The following RAD23B variants were observed in gnomAD, a reference collection of about 807,000 sequenced individuals.
The protein encoded by RAD23B is RAD23 nucleotide excision repair protein B, also known as lysine-specific demethylase RAD23B.
In RAD23B, 5 loss-of-function variants were observed where a neutral mutation model predicts 49.1. The ratio of observed to expected loss-of-function variants is 0.10; its 90% confidence interval spans 0.05 to 0.21. The LOEUF is 0.21. Among genes scored for constraint, RAD23B ranks in the 10% least tolerant of loss-of-function variants. The pLI is 1.00. For synonymous variants in RAD23B, 184 were observed against 165.4 expected, an observed-to-expected ratio of 1.11 and a Z score of -0.86; for missense variants, 356 against 486.7, an observed-to-expected ratio of 0.73 and a Z score of 2.53.
intron 9 of RAD23B, 67 bp downstream of exon 9, chr9:107,325,071 T>G (rs551038897): frequency 6.8e-7 from 1 of 1,480,290 alleles, no homozygotes; most frequent in South Asian, 1.2e-5. Flanking sequence ...TTCCAGCACT[T>G]TGGGAGGCCA....
intron 9 of RAD23B, among the ~76,000 whole-genome samples, chr9:107,326,376 G>T (rs1827202233): frequency 6.6e-6 from 1 of 151,204 alleles, no homozygotes; most frequent in Admixed American, 6.6e-5. Context: ...AGCTACTCGG[G>T]AGACTGAGGC....
chr9:107,299,719 C>T (rs980427859), intron 1 of RAD23B, among the ~76,000 whole-genome samples: 1 of 152,282 alleles, frequency 6.6e-6, no homozygotes, highest in Admixed American at 6.5e-5. Context: ...AATCATTTGC[C>T]TTTTAACATT....
At chr9:107,298,672 A>G (rs932111124) in intron 1 of RAD23B, among the ~76,000 whole-genome samples, 3 of 134,326 alleles carry the variant, frequency 2.2e-5, no homozygotes, top group Non-Finnish European at 5.3e-5. Flanking sequence ...ATTAGAAATT[A>G]AAACAAACTT....
intron 9 of RAD23B, among the ~76,000 whole-genome samples, chr9:107,326,009 A>G (rs542978464): frequency 1.3e-5 from 2 of 152,168 alleles, no homozygotes; most frequent in South Asian, 2.1e-4. Flanking sequence ...GTCCTTTAGT[A>G]TGCTTTATTA....
chr9:107,309,090 C>G (rs1410484339), intron 4 of RAD23B, among the ~76,000 whole-genome samples: 2 of 152,132 alleles, frequency 1.3e-5, no homozygotes, highest in Admixed American at 6.5e-5. Flanking sequence ...CTAAATTGAC[C>G]TGTGGTTTAT....
chr9:107,315,433 A>G (rs112367309), intron 5 of RAD23B, among the ~76,000 whole-genome samples: 2 of 152,240 alleles, frequency 1.3e-5, no homozygotes, highest in African/African-American at 4.8e-5. Flanking sequence ...TCTGAATGAC[A>G]TATATAAGGT....
At chr9:107,297,416 T>G (rs950957546) in intron 1 of RAD23B, among the ~76,000 whole-genome samples, 1 of 152,092 alleles carries the variant, frequency 6.6e-6, no homozygotes, top group Non-Finnish European at 1.5e-5. Flanking sequence ...CTTGGCTCAC[T>G]GCAACCTCTG....
At chr9:107,297,102 T>C (rs1367808239) in intron 1 of RAD23B, among the ~76,000 whole-genome samples, 6 of 152,134 alleles carry the variant, frequency 3.9e-5, no homozygotes, top group Non-Finnish European at 8.8e-5. Context: ...TCTGCCCGCC[T>C]TGGCCTCCCA....
At chr9:107,327,840 G>T (rs1827239606) in intron 9 of RAD23B, among the ~76,000 whole-genome samples, 1 of 151,976 alleles carries the variant, frequency 6.6e-6, no homozygotes, top group Non-Finnish European at 1.5e-5. Flanking sequence ...ATTGTTAATT[G>T]CCAATTTCTA....
intron 3 of RAD23B, among the ~76,000 whole-genome samples, chr9:107,304,970 T>C (rs902346744): frequency 6.6e-6 from 1 of 152,178 alleles, no homozygotes; most frequent in Admixed American, 6.5e-5. Context: ...TGATATACTG[T>C]ATTAAAGTAA....
At chr9:107,324,783 A>G in intron 8 of RAD23B, 51 bp from the exon 9 acceptor site, 1 of 1,470,616 alleles carries the variant, frequency 6.8e-7, no homozygotes, top group Non-Finnish European at 9.1e-7. Context: ...CTGTTCCTGC[A>G]GATACTTAAT....
At chr9:107,298,256 A>AAGTC (rs1826573401) in intron 1 of RAD23B, among the ~76,000 whole-genome samples, 1 of 152,276 alleles carries the variant, frequency 6.6e-6, no homozygotes, top group South Asian at 2.1e-4. Flanking sequence ...ACTTGTTTAC[A>AAGTC]TTTAAATAAG....
intron 6 of RAD23B, among the ~76,000 whole-genome samples, chr9:107,319,508 TA>T (rs967758266): frequency 2.6e-5 from 4 of 152,206 alleles, no homozygotes; most frequent in African/African-American, 9.6e-5. Context: ...GCCAGCTTTT[TA>T]AAAACTGGGA....
intron 4 of RAD23B, among the ~76,000 whole-genome samples, chr9:107,309,316 A>T (rs1826843688): frequency 6.6e-6 from 1 of 152,228 alleles, no homozygotes; most frequent in Admixed American, 6.5e-5. Flanking sequence ...ATACTACAAG[A>T]CAGTTAAAGT....
chr9:107,285,178 A>T (rs987970806), intron 1 of RAD23B, among the ~76,000 whole-genome samples: 1 of 152,262 alleles, frequency 6.6e-6, no homozygotes, highest in African/African-American at 2.4e-5. Flanking sequence ...CAGTGTCCTC[A>T]GAAGTAATTG....
At position 107,307,268 on chromosome 9, in the gene RAD23B, A is replaced by G. The variant is rs1051216099; in HGVS notation, c.497+621A>G. Among the ~76,000 whole-genome samples the G allele has an allele frequency of 2.0e-5, 3 of 152,222 alleles. No homozygotes were observed. In the South Asian group the frequency reaches 6.2e-4, roughly 32 times the overall value. On this transcript the variant is annotated intron_variant, in intron 4 of 9. Coordinates refer to ENST00000358015, the MANE Select transcript of RAD23B (RefSeq NM_002874.5). ...TGAGATATTTGAGGAGCAAGAAATAATTTCTTGTGGGAAGTTGACAGCAGA... is the reference window on the plus strand; with the variant it reads ...TGAGATATTTGAGGAGCAAGAAATAGTTTCTTGTGGGAAGTTGACAGCAGA...
intron 5 of RAD23B, among the ~76,000 whole-genome samples, chr9:107,315,340 G>T (rs1826969468): frequency 6.6e-6 from 1 of 152,082 alleles, no homozygotes; most frequent in Non-Finnish European, 1.5e-5. Flanking sequence ...TGATGTGTCT[G>T]TTTTTATACC....
At chr9:107,305,424 T>G (rs1037892447) in intron 3 of RAD23B, among the ~76,000 whole-genome samples, 2 of 152,146 alleles carry the variant, frequency 1.3e-5, no homozygotes, top group Non-Finnish European at 2.9e-5. Context: ...GAGAAAGGGT[T>G]GGTATTGCGG....
intron 1 of RAD23B, among the ~76,000 whole-genome samples, chr9:107,298,740 T>C (rs561520353): frequency 6.6e-6 from 1 of 151,758 alleles, no homozygotes; most frequent in Non-Finnish European, 1.5e-5. Flanking sequence ...TATACTTACT[T>C]TTTTTGCAAA....
Sources: gnomAD v4.1 joint callset for allele counts (sites outside exome capture counted in the v4.1 genomes callset) on GRCh38, gnomAD v4.1.1 for gene constraint, MANE v1.5 for transcripts, NCBI Gene and HGNC (gene_info 2026-07-23, HGNC 2026-07-21) for gene names.